The following SORBS2 variants were observed in gnomAD, a reference collection of about 807,000 sequenced individuals.
SORBS2 encodes sorbin and SH3 domain containing 2.
Under a neutral mutation model 97.7 loss-of-function variants are expected in SORBS2, and 46 were observed. The observed-to-expected ratio is 0.47, with a 90% CI of 0.37 to 0.60. The LOEUF (loss-of-function observed/expected upper bound fraction) is 0.60, where lower values mean the gene tolerates loss of function less well. Among genes scored for constraint, SORBS2 ranks in the 20% least tolerant of loss-of-function variants. The pLI is 0.00. For synonymous variants in SORBS2, 476 were observed against 473.4 expected (o/e 1.01, Z -0.07); for missense variants, 1,316 against 1,282.3 (o/e 1.03, Z -0.40).
chr4:185,904,931 C>T (rs1366774642), intron 1 of SORBS2, among the ~76,000 whole-genome samples: 1 of 152,018 alleles, frequency 6.6e-6, no homozygotes, highest in African/African-American at 2.4e-5. Flanking sequence ...ATGGAGAAAC[C>T]TTGTCTCTAC....
At chr4:185,658,962 T>C (rs2097459999), upstream of SORBS2, among the ~76,000 whole-genome samples, 1 of 152,060 alleles carries the variant, frequency 6.6e-6, no homozygotes, top group Non-Finnish European at 1.5e-5. Flanking sequence ...CGCCTCGGCC[T>C]CCCAAAGTGC....
intron 2 of SORBS2, among the ~76,000 whole-genome samples, chr4:185,756,364 C>T (rs1340976641): frequency 6.8e-6 from 1 of 147,640 alleles, no homozygotes; most frequent in Non-Finnish European, 1.5e-5. Flanking sequence ...TTTCCAAACA[C>T]GAAGGCAGTC....
chr4:185,897,166 C>T (rs540081189), intron 1 of SORBS2, among the ~76,000 whole-genome samples: 232 of 152,314 alleles, frequency 1.5e-3, no homozygotes, highest in Non-Finnish European at 2.8e-3. Context: ...ACCCCTTTGC[C>T]CCAGAGCCAG....
chr4:185,666,916 A>C (rs1444350270), intron 4 of SORBS2, among the ~76,000 whole-genome samples: 1 of 152,214 alleles, frequency 6.6e-6, no homozygotes, highest in African/African-American at 2.4e-5. Context: ...AAAGAAACTG[A>C]AGGAAAAATA....
At chr4:185,846,169 T>C (rs2099214418) in intron 1 of SORBS2, among the ~76,000 whole-genome samples, 1 of 151,890 alleles carries the variant, frequency 6.6e-6, no homozygotes, top group South Asian at 2.1e-4. Flanking sequence ...ACCTGGAGAG[T>C]GGATACAGAA....
intron 1 of SORBS2, among the ~76,000 whole-genome samples, chr4:185,808,624 A>G (rs1160190259): frequency 6.6e-6 from 1 of 152,232 alleles, no homozygotes; most frequent in Non-Finnish European, 1.5e-5. Flanking sequence ...TTGTAGGGTA[A>G]CATAACTAGT....
At chr4:185,825,976 C>G (rs1227816040) in intron 1 of SORBS2, among the ~76,000 whole-genome samples, 1 of 152,084 alleles carries the variant, frequency 6.6e-6, no homozygotes, top group African/African-American at 2.4e-5. Context: ...CAGGTCACTC[C>G]AGGAAGTCTT....
At chr4:185,935,260 G>A (rs1325103318) in intron 1 of SORBS2, among the ~76,000 whole-genome samples, 1 of 152,146 alleles carries the variant, frequency 6.6e-6, no homozygotes, top group Non-Finnish European at 1.5e-5. Flanking sequence ...ATTTCCACAA[G>A]CTTCTGTCCC....
At chr4:185,818,314 C>T (rs1025650566) in intron 1 of SORBS2, among the ~76,000 whole-genome samples, 7 of 152,010 alleles carry the variant, frequency 4.6e-5, no homozygotes, top group Non-Finnish European at 1.5e-5. Context: ...CTCAGCCTCC[C>T]GAGTAGCTGG....
At chr4:185,949,195 C>T (rs533784362) in intron 1 of SORBS2, among the ~76,000 whole-genome samples, 11 of 152,216 alleles carry the variant, frequency 7.2e-5, no homozygotes, top group African/African-American at 2.6e-4. Flanking sequence ...ACTCCAAGTA[C>T]GGCTAGAGAA....
chr4:185,845,172 C>A (rs2173478), intron 1 of SORBS2, among the ~76,000 whole-genome samples: 1 of 151,670 alleles, frequency 6.6e-6, no homozygotes. Flanking sequence ...ACCACCACCC[C>A]CCAGCTAATT....
intron 7 of SORBS2, among the ~76,000 whole-genome samples, chr4:185,621,063 A>C (rs1315404400): frequency 1.3e-5 from 2 of 152,236 alleles, no homozygotes; most frequent in African/African-American, 2.4e-5. Flanking sequence ...GAATTTTATC[A>C]GTACAACTGG....
At chr4:185,898,749 C>T (rs539207273) in intron 1 of SORBS2, among the ~76,000 whole-genome samples, 201 of 152,036 alleles carry the variant, frequency 1.3e-3, no homozygotes, top group Non-Finnish European at 2.4e-3. Flanking sequence ...AGGTAATACC[C>T]AAATCTTTAG....
chr4:185,598,901 G>A (rs1346202470), intron 12 of SORBS2, among the ~76,000 whole-genome samples: 5 of 152,046 alleles, frequency 3.3e-5, no homozygotes, highest in Admixed American at 3.3e-4. Context: ...AAACCTTAAG[G>A]GGAACACAAG....
chr4:185,871,335 G>A (rs778127387), intron 1 of SORBS2, among the ~76,000 whole-genome samples: 4 of 152,120 alleles, frequency 2.6e-5, no homozygotes, highest in African/African-American at 4.8e-5. Context: ...TCCTTAGAGC[G>A]AAAATACAAA....
At chr4:185,853,111 A>T in intron 1 of SORBS2, among the ~76,000 whole-genome samples, 1 of 152,256 alleles carries the variant, frequency 6.6e-6, no homozygotes, top group South Asian at 2.1e-4. Context: ...TCTAGTGGTG[A>T]CCCTGAGCTG....
chr4:185,803,916 C>T (rs187894271), intron 1 of SORBS2, among the ~76,000 whole-genome samples: 396 of 150,986 alleles, frequency 2.6e-3, no homozygotes, highest in Admixed American at 4.9e-3. Context: ...GATAAGTGTG[C>T]CTTCTCATAT....
intron 1 of SORBS2, among the ~76,000 whole-genome samples, chr4:185,939,380 G>A (rs2099270692): frequency 6.6e-6 from 1 of 152,128 alleles, no homozygotes; most frequent in African/African-American, 2.4e-5. Context: ...ATTCAAATAT[G>A]CTGTAATACT....
chr4:185,754,783 CT>C (rs2098821280), intron 2 of SORBS2, among the ~76,000 whole-genome samples: 1 of 152,224 alleles, frequency 6.6e-6, no homozygotes, highest in Non-Finnish European at 1.5e-5. Context: ...TCTCACAGTC[CT>C]TCACATCCCC....
Sources: gnomAD v4.1 joint callset for allele counts (sites outside exome capture counted in the v4.1 genomes callset) on GRCh38, gnomAD v4.1.1 for gene constraint, MANE v1.5 for transcripts, NCBI Gene and HGNC (gene_info 2026-07-23, HGNC 2026-07-21) for gene names.